Variants in PDE1C observed in about 807,000 individuals in gnomAD.
PDE1C encodes the protein dual specificity calcium/calmodulin-dependent 3',5'-cyclic nucleotide phosphodiesterase 1C.
A neutral mutation model predicts 93.1 loss-of-function variants in PDE1C; 62 were observed. The ratio of observed to expected loss-of-function variants is 0.67; its 90% confidence interval spans 0.54 to 0.82. The LOEUF (loss-of-function observed/expected upper bound fraction) is 0.82, where lower values mean the gene tolerates loss of function less well. PDE1C is among the 40% of genes least tolerant of loss of function. The pLI is 0.00. For missense variants in PDE1C, 742 were observed against 884.6 expected, an observed-to-expected ratio of 0.84 and a Z score of 2.04; for synonymous variants, 325 against 310.1, an observed-to-expected ratio of 1.05 and a Z score of -0.50.
chr7:32,420,566 G>T (rs1308181335), intron 1 of PDE1C, among the ~76,000 whole-genome samples: 5 of 150,212 alleles, frequency 3.3e-5, no homozygotes, highest in Admixed American at 6.7e-5. Context: ...AAAAAAAAGG[G>T]GGGGTGGTAA....
intron 1 of PDE1C, among the ~76,000 whole-genome samples, chr7:32,061,381 C>T (rs1253140620): frequency 3.3e-5 from 5 of 152,216 alleles, no homozygotes; most frequent in African/African-American, 7.2e-5. Context: ...AGTGAGTGAG[C>T]GCTGTGGCCA....
rs182513229 is a variant in PDE1C, at chr7:32,091,495, C to A, written c.308+78290G>T. Among the ~76,000 whole-genome samples, 97 of 152,166 alleles carry A rather than the reference C, an allele frequency of 6.4e-4. 2 individuals are homozygous for A. In the Middle Eastern group the frequency reaches 0.027, roughly 43 times the overall value. On this transcript the variant is annotated intron_variant, in intron 3 of 18. Transcript: ENST00000396193. ...CCTCATCAAGAAGGTGAGATGGGAG[C>A]CAAGCCTCAAAGAAGGTGAGCAAGT...
At chr7:32,115,864 A>ATTG (rs1798958455) in intron 3 of PDE1C, among the ~76,000 whole-genome samples, 6 of 152,320 alleles carry the variant, frequency 3.9e-5, no homozygotes, top group Middle Eastern at 3.4e-3. Context: ...CATCAGAGGC[A>ATTG]AGAATTCTAC....
rs80313511 is a variant in PDE1C at position 32,426,598 on chromosome 7, T to C, written c.310+1224A>G. On this transcript the variant is annotated intron_variant, in intron 1 of 1. Coordinates refer to the PDE1C transcript ENST00000672256. ...ATTGTACACGCTTAGAAAATGTAAG[T>C]AGCCCACCCAAGGATACTGAGCTTA... Among the ~76,000 whole-genome samples the C allele has an allele frequency of 2.8e-3, 420 of 152,282 alleles. 7 individuals carry two copies. In the East Asian group the frequency reaches 0.046, roughly 16 times the overall value.
At chr7:31,989,689 C>T (rs372706485) in intron 2 of PDE1C, among the ~76,000 whole-genome samples, 7 of 152,314 alleles carry the variant, frequency 4.6e-5, no homozygotes, top group African/African-American at 1.7e-4. Context: ...CTCATTAGAG[C>T]TATAGTTAGC....
chr7:31,959,199 GTTGTTTGTTTGT>G (rs138410002), intron 2 of PDE1C, among the ~76,000 whole-genome samples: 17 of 151,516 alleles, frequency 1.1e-4, no homozygotes, highest in African/African-American at 3.9e-4. Context: ...TTTTTGTTTT[GTTGTTTGTTTGT>G]TTGTTTGTTT....
intron 9 of PDE1C, among the ~76,000 whole-genome samples, chr7:31,846,757 A>G (rs1162265922): frequency 1.3e-5 from 2 of 152,160 alleles, no homozygotes; most frequent in Non-Finnish European, 2.9e-5. Context: ...CAATAGTAAA[A>G]TTGGATAGAG....
chr7:31,885,326 G>T (rs1334628235), intron 2 of PDE1C, among the ~76,000 whole-genome samples: 2 of 152,214 alleles, frequency 1.3e-5, no homozygotes. Flanking sequence ...CCAGATAATA[G>T]TTCCAGTATA....
intron 1 of PDE1C, among the ~76,000 whole-genome samples, chr7:32,418,213 C>T (rs1785314556): frequency 6.6e-6 from 1 of 151,530 alleles, no homozygotes; most frequent in South Asian, 2.1e-4. Context: ...CTTTCCATGG[C>T]AGTAGCAAGT....
chr7:31,621,082 A>G, the PDE1C span, among the ~76,000 whole-genome samples: 315 of 152,016 alleles, frequency 2.1e-3, 1 homozygote, highest in African/African-American at 7.2e-3. Context: ...AAATGAGCAA[A>G]GCCTCCAAGA....
chr7:31,767,901 C>T (rs886069816), intron 17 of PDE1C, among the ~76,000 whole-genome samples: 1 of 152,210 alleles, frequency 6.6e-6, no homozygotes, highest in Non-Finnish European at 1.5e-5. Flanking sequence ...AGGGCTCCAT[C>T]CTCATGACCT....
intron 1 of PDE1C, among the ~76,000 whole-genome samples, chr7:32,234,848 G>A (rs1328619339): frequency 6.6e-6 from 1 of 151,930 alleles, no homozygotes; most frequent in Non-Finnish European, 1.5e-5. Flanking sequence ...TGTCTTTCAT[G>A]TACATAGATG....
chr7:32,054,276 G>A (rs1457984474), intron 1 of PDE1C, among the ~76,000 whole-genome samples: 1 of 152,164 alleles, frequency 6.6e-6, no homozygotes, highest in Non-Finnish European at 1.5e-5. Flanking sequence ...GGGCTCTGGA[G>A]TGTGATAGAC....
At position 32,116,622 on chromosome 7, in the gene PDE1C, G is replaced by A. The variant is rs568588116; in HGVS notation, c.308+53163C>T. ...TTTCCTCTCCTGATTCACCACCTGG[G>A]GAGAGAGGAATGATGAGCTGTTGGA... On this transcript the variant is annotated intron_variant, in intron 3 of 18. Transcript: ENST00000396193. Among the ~76,000 whole-genome samples, 4 of 152,232 alleles carry A rather than the reference G, an allele frequency of 2.6e-5. No homozygotes were observed. In the South Asian group the frequency reaches 8.3e-4, roughly 32 times the overall value.
At chr7:31,918,864 C>A (rs973278689) in intron 2 of PDE1C, among the ~76,000 whole-genome samples, 5 of 152,150 alleles carry the variant, frequency 3.3e-5, no homozygotes, top group Non-Finnish European at 7.4e-5. Context: ...CTATGTGATA[C>A]CACTCCACTC....
intron 2 of PDE1C, among the ~76,000 whole-genome samples, chr7:32,194,893 A>T (rs150898482): frequency 3.1e-4 from 47 of 152,094 alleles, no homozygotes; most frequent in Admixed American, 7.9e-4. Context: ...AACCTTTTTT[A>T]GAATTCCACT....
intron 16 of PDE1C, among the ~76,000 whole-genome samples, chr7:31,805,191 C>T (rs1181714357): frequency 6.6e-6 from 1 of 151,626 alleles, no homozygotes; most frequent in Non-Finnish European, 1.5e-5. Context: ...GTCCATTAAA[C>T]TTCTCTTTCC....
At chr7:31,655,732 C>T in the PDE1C span, 7 of 985,652 alleles carry the variant, frequency 7.1e-6, no homozygotes, top group Non-Finnish European at 1.2e-6. Flanking sequence ...GCATTTGTGC[C>T]TCCAAATCGT....
At chr7:32,009,440 G>A (rs1053767854) in intron 2 of PDE1C, among the ~76,000 whole-genome samples, 5 of 152,178 alleles carry the variant, frequency 3.3e-5, no homozygotes, top group East Asian at 1.9e-4. Context: ...AAGGATGAAC[G>A]CATGCATATG....
Sources: gnomAD v4.1 joint callset for allele counts (sites outside exome capture counted in the v4.1 genomes callset) on GRCh38, gnomAD v4.1.1 for gene constraint, MANE v1.5 for transcripts, NCBI Gene and HGNC (gene_info 2026-07-23, HGNC 2026-07-21) for gene names.